The following UNC5C variants were observed in gnomAD, a reference collection of about 807,000 sequenced individuals.
UNC5C encodes netrin receptor UNC5C.
In UNC5C, 47 loss-of-function variants were observed where a neutral mutation model predicts 99.8. The ratio of observed to expected loss-of-function variants is 0.47; its 90% CI spans 0.37 to 0.60. The LOEUF is 0.60. Ranked by LOEUF, UNC5C falls within the 20% of genes least tolerant of loss-of-function variation. UNC5C has a pLI of 0.00. For missense variants in UNC5C, 1,062 were observed against 1,165.9 expected (o/e 0.91, Z 1.30); for synonymous variants, 487 against 452.2 (o/e 1.08, Z -0.98).
intron 3 of UNC5C, among the ~76,000 whole-genome samples, chr4:95,287,882 C>G (rs1741292723): frequency 6.6e-6 from 1 of 152,098 alleles, no homozygotes; most frequent in Non-Finnish European, 1.5e-5. Flanking sequence ...ACTTTGAGAT[C>G]AAATAAATCT....
At chr4:95,227,368 G>A (rs1738739502) in intron 7 of UNC5C, among the ~76,000 whole-genome samples, 1 of 152,014 alleles carries the variant, frequency 6.6e-6, no homozygotes, top group South Asian at 2.1e-4. Context: ...GCCCAGGCTG[G>A]TTTTGAACTC....
At chr4:95,518,703 A>C (rs138325965) in intron 1 of UNC5C, among the ~76,000 whole-genome samples, 37 of 152,346 alleles carry the variant, frequency 2.4e-4, no homozygotes, top group Admixed American at 9.8e-4. Context: ...TCATTTGTAA[A>C]GAAGCAATCA....
At chr4:95,394,711 T>C (rs1412934239) in intron 1 of UNC5C, among the ~76,000 whole-genome samples, 2 of 150,662 alleles carry the variant, frequency 1.3e-5, no homozygotes, top group Non-Finnish European at 2.9e-5. Flanking sequence ...ATTATTTTTA[T>C]CCTTTGTTAG....
intron 5 of UNC5C, among the ~76,000 whole-genome samples, chr4:95,247,786 A>G (rs1739555983): frequency 6.6e-6 from 1 of 152,232 alleles, no homozygotes; most frequent in African/African-American, 2.4e-5. Flanking sequence ...TAATATACAT[A>G]GGAAGAGATT....
intron 1 of UNC5C, among the ~76,000 whole-genome samples, chr4:95,343,335 G>C (rs913592221): frequency 5.3e-5 from 8 of 152,102 alleles, no homozygotes; most frequent in African/African-American, 1.9e-4. Context: ...CTGCTTGTTT[G>C]TTTGGGAGAA....
intron 7 of UNC5C, among the ~76,000 whole-genome samples, chr4:95,230,002 G>T (rs1279719206): frequency 4.6e-5 from 7 of 151,698 alleles, no homozygotes; most frequent in Admixed American, 2.0e-4. Context: ...AGTAGAAATG[G>T]ATTTCACCAT....
At chr4:95,315,567 T>C (rs1387241750) in intron 2 of UNC5C, among the ~76,000 whole-genome samples, 1 of 152,208 alleles carries the variant, frequency 6.6e-6, no homozygotes, top group Non-Finnish European at 1.5e-5. Context: ...TTGTTCTTCT[T>C]CCTTTATTTT....
At chr4:95,428,225 C>T (rs1449816251) in intron 1 of UNC5C, among the ~76,000 whole-genome samples, 1 of 152,042 alleles carries the variant, frequency 6.6e-6, no homozygotes, top group Non-Finnish European at 1.5e-5. Flanking sequence ...TAATTCTATA[C>T]ATGTAACTAT....
At chr4:95,267,468 T>C (rs950669907) in intron 4 of UNC5C, among the ~76,000 whole-genome samples, 1 of 152,234 alleles carries the variant, frequency 6.6e-6, no homozygotes, top group African/African-American at 2.4e-5. Flanking sequence ...GTAATCACAA[T>C]AATATAGACA....
intron 1 of UNC5C, among the ~76,000 whole-genome samples, chr4:95,404,011 T>G (rs893626706): frequency 2.0e-5 from 3 of 152,154 alleles, no homozygotes; most frequent in Non-Finnish European, 4.4e-5. Context: ...TCTAAAGGCC[T>G]GGGAGGGAAA....
At chr4:95,458,796 T>A (rs1747514723) in intron 1 of UNC5C, among the ~76,000 whole-genome samples, 1 of 152,078 alleles carries the variant, frequency 6.6e-6, no homozygotes, top group African/African-American at 2.4e-5. Flanking sequence ...AATGATCCAA[T>A]GAGTAAGTGC....
At chr4:95,431,861 T>G (rs1017985123) in intron 1 of UNC5C, among the ~76,000 whole-genome samples, 3 of 152,100 alleles carry the variant, frequency 2.0e-5, no homozygotes, top group Admixed American at 2.0e-4. Context: ...GTGATAATGA[T>G]GATGATAAAT....
chr4:95,270,601 T>C (rs1209584333), intron 4 of UNC5C, among the ~76,000 whole-genome samples: 1 of 152,214 alleles, frequency 6.6e-6, no homozygotes, highest in Non-Finnish European at 1.5e-5. Flanking sequence ...TGAACATACA[T>C]AGGCCATATT....
At chr4:95,513,190 A>T (rs1722124852) in intron 1 of UNC5C, among the ~76,000 whole-genome samples, 1 of 152,230 alleles carries the variant, frequency 6.6e-6, no homozygotes, top group African/African-American at 2.4e-5. Context: ...TAATGCAATT[A>T]TATGGCAGGA....
chr4:95,547,273 C>A (rs1055629059), intron 1 of UNC5C, among the ~76,000 whole-genome samples: 4 of 152,084 alleles, frequency 2.6e-5, no homozygotes, highest in African/African-American at 9.7e-5. Context: ...CTTAGCAGGG[C>A]AGCAGGAAAA....
At chr4:95,229,606 A>G (rs988414308) in intron 7 of UNC5C, among the ~76,000 whole-genome samples, 3 of 152,098 alleles carry the variant, frequency 2.0e-5, no homozygotes, top group Non-Finnish European at 4.4e-5. Flanking sequence ...ATGTGTCTTT[A>G]TAGTAGAACG....
At chr4:95,355,020 C>G (rs1292340523) in intron 1 of UNC5C, among the ~76,000 whole-genome samples, 2 of 152,024 alleles carry the variant, frequency 1.3e-5, no homozygotes, top group African/African-American at 4.8e-5. Context: ...TAAATGATTG[C>G]AGAGCTGTCT....
At chr4:95,402,002 G>T (rs906040495) in intron 1 of UNC5C, among the ~76,000 whole-genome samples, 1 of 152,158 alleles carries the variant, frequency 6.6e-6, no homozygotes, top group African/African-American at 2.4e-5. Flanking sequence ...AGAGAGATTG[G>T]CAAAATGCTG....
intron 3 of UNC5C, 64 bp downstream of exon 3, chr4:95,301,542 T>C (rs1356206288): frequency 1.2e-6 from 2 of 1,605,606 alleles, no homozygotes; most frequent in Non-Finnish European, 1.7e-6. Flanking sequence ...GTAGTCACAG[T>C]GTAAACTTTC....
Sources: gnomAD v4.1 joint callset for allele counts (sites outside exome capture counted in the v4.1 genomes callset) on GRCh38, gnomAD v4.1.1 for gene constraint, MANE v1.5 for transcripts, NCBI Gene and HGNC (gene_info 2026-07-23, HGNC 2026-07-21) for gene names.